Variants in ARL2BP observed in about 807,000 individuals in gnomAD.
ARL2BP encodes ARF like GTPase 2 binding protein.
Under a neutral mutation model 24.2 loss-of-function variants are expected in ARL2BP, and 19 were observed. The ratio of observed to expected loss-of-function variants is 0.79; its 90% CI spans 0.55 to 1.15. The LOEUF (loss-of-function observed/expected upper bound fraction) is 1.15, where lower values mean the gene tolerates loss of function less well. Among genes scored for constraint, ARL2BP ranks in the 50% most tolerant of loss-of-function variants. ARL2BP has a pLI of 0.00. For synonymous variants in ARL2BP, 56 were observed against 70.5 expected, an observed-to-expected ratio of 0.79 and a Z score of 1.03; for missense variants, 160 against 190.4, an observed-to-expected ratio of 0.84 and a Z score of 0.94.
chr16:57,249,093 G>C (rs1367546530), intron 3 of ARL2BP: 1 of 152,584 alleles, frequency 6.6e-6, no homozygotes, highest in African/African-American at 2.4e-5. Context: ...TTCATACCTT[G>C]CATTTGCATG....
intron 5 of ARL2BP, 147 bp downstream of exon 5, chr16:57,250,654 G>A (rs1443817653): frequency 3.0e-6 from 2 of 659,392 alleles, no homozygotes; most frequent in Admixed American, 2.4e-5. Flanking sequence ...CTGCTATTCT[G>A]TTGTGGCTGG....
chr16:57,247,663 G>A (rs2075394423), intron 2 of ARL2BP, among the ~76,000 whole-genome samples: 1 of 152,092 alleles, frequency 6.6e-6, no homozygotes, highest in Admixed American at 6.5e-5. Context: ...CCAGATAAAT[G>A]TGTTTATATG....
intron 5 of ARL2BP, 66 bp downstream of exon 5, chr16:57,250,573 G>A (rs77995854): frequency 3.9e-5 from 51 of 1,303,238 alleles, no homozygotes; most frequent in South Asian, 2.5e-4. Context: ...TAGAAATACC[G>A]AACATGAACC....
At chr16:57,247,123 A>T (rs2075392759) in intron 2 of ARL2BP, among the ~76,000 whole-genome samples, 1 of 152,180 alleles carries the variant, frequency 6.6e-6, no homozygotes, top group Non-Finnish European at 1.5e-5. Flanking sequence ...TTAGAATGAA[A>T]ATTACTGACC....
At chr16:57,245,713 C>T in intron 1 of ARL2BP, 2 of 529,806 alleles carry the variant, frequency 3.8e-6, no homozygotes, top group South Asian at 4.9e-5. Context: ...CCCGAGGCCC[C>T]TCCACCCCTC....
At chr16:57,248,477 T>C (rs2075397513) in intron 2 of ARL2BP, 60 bp from the exon 3 acceptor site, 2 of 1,046,960 alleles carry the variant, frequency 1.9e-6, no homozygotes, top group Admixed American at 2.1e-5. Context: ...TGCCTACTTA[T>C]AAATCATAAT....
In ARL2BP at chr16:57,245,410, G is replaced by C. The variant is rs780990381; in HGVS notation, c.38+5G>C. ...AGAGAGCTTTGCGCTGTCTTTGTGA[G>C]TAGCTCCTCCAGGGCGCAGGCGACT... On this transcript the variant is annotated splice_donor_5th_base_variant and intron_variant, in intron 1 of 5. Coordinates refer to ENST00000219204, the MANE Select transcript of ARL2BP (RefSeq NM_012106.4). 1.2e-6 allele frequency: 2 copies of C among 1,605,654 alleles called. No individual in the cohort carries two copies. Among genetic ancestry groups the C allele is most frequent in the East Asian group, 2.2e-5 (1 of 44,570 alleles).
intron 1 of ARL2BP, 21 bp downstream of exon 1, chr16:57,245,426 G>A: frequency 1.2e-6 from 2 of 1,603,204 alleles, no homozygotes; most frequent in African/African-American, 1.3e-5. Flanking sequence ...CCTCCAGGGC[G>A]CAGGCGACTT....
intron 2 of ARL2BP, among the ~76,000 whole-genome samples, chr16:57,246,711 G>A (rs1461280576): frequency 6.6e-6 from 1 of 152,188 alleles, no homozygotes; most frequent in African/African-American, 2.4e-5. Context: ...GGCTGAGGCA[G>A]GAAAATGGCG....
chr16:57,245,302 G>C lies in ARL2BP; in HGVS notation c.-66G>C, dbSNP rs1305165942. 10 of 1,565,404 alleles carry C rather than the reference G, an allele frequency of 6.4e-6. No individual in the cohort carries two copies. The East Asian group carries it at 1.8e-4, about 29-fold the overall frequency. On this transcript the variant is annotated 5_prime_UTR_variant, in exon 1 of 6. Transcript: ENST00000219204. ...TTGGCTGAGAGGCCTTAACCCCGCC[G>C]GGCGGCCGCGCCCTGCATGCGAGTT...
chr16:57,246,521 G>A (rs2075390886), intron 2 of ARL2BP: 1 of 168,508 alleles, frequency 5.9e-6, no homozygotes, highest in African/African-American at 2.4e-5. Context: ...CATAAAACCA[G>A]GCCAGGTGCG....
rs2075414823 is a variant in ARL2BP, at chr16:57,253,442, C to A, written c.*1175C>A. The A allele has an allele frequency of 6.6e-6, 1 of 151,656 alleles. No homozygotes were observed. The highest frequency in any genetic ancestry group is 1.5e-5 in the Non-Finnish European group (1 of 67,948). 9.4% of individuals were successfully genotyped at this position (151,656 alleles called of 1,614,324 possible). On this transcript the variant is annotated 3_prime_UTR_variant, in exon 6 of 6. Coordinates refer to ENST00000219204, the MANE Select transcript of ARL2BP (RefSeq NM_012106.4). ...AGAACGAAGAAAAAGCATAGTAGTT[C>A]AATTCCCAGTGTGTCCCTTTGATTT...
At position 57,252,309 on chromosome 16, in the gene ARL2BP, C is replaced by G. The variant is rs201722956; in HGVS notation, c.*42C>G. 1.6e-4 allele frequency: 263 copies of G among 1,614,074 alleles called. No individual in the cohort carries two copies. The highest frequency in any genetic ancestry group is 1.5e-4 in the Non-Finnish European group (177 of 1,180,004). Reference sequence around the variant, plus strand: ...ATGAATGGGATCATTCTGGATGTCACCAGCCCAATAGGCTCAGCTCATGAT... The same window carrying G: ...ATGAATGGGATCATTCTGGATGTCAGCAGCCCAATAGGCTCAGCTCATGAT... On this transcript the variant is annotated 3_prime_UTR_variant, in exon 6 of 6. Transcript: ENST00000219204.
chr16:57,248,311 CAAAA>C (rs1161528446), intron 2 of ARL2BP: 156 of 49,212 alleles, frequency 3.2e-3, no homozygotes, highest in Middle Eastern at 0.025. Flanking sequence ...AACTCCAGCT[CAAAA>C]AAAAAAAAAA....
chr16:57,248,311 CA>C (rs1161528446), intron 2 of ARL2BP: 1,046 of 49,202 alleles, frequency 0.021, no homozygotes, highest in Middle Eastern at 0.057. Flanking sequence ...AACTCCAGCT[CA>C]AAAAAAAAAA....
Position 57,252,512 on chromosome 16 carries a change from CT to C in ARL2BP, c.*247del. On this transcript the variant is annotated 3_prime_UTR_variant, in exon 6 of 6. Transcript: ENST00000219204. ...CTCAAGTAGACACCTCTCTCAGGAG[CT>C]TCTGAGTCAGACGCCTCTGGAGCGA... The C allele has an allele frequency of 1.6e-6, 1 of 628,550 alleles. No individual in the cohort carries two copies. Among genetic ancestry groups the C allele is most frequent in the East Asian group, 3.4e-5 (1 of 29,340 alleles). 38.9% of individuals were successfully genotyped at this position (628,550 alleles called of 1,614,324 possible). A position where few individuals can be genotyped will look rare whatever the true frequency, so the allele number is the denominator to read the frequency against.
intron 4 of ARL2BP, 85 bp from the exon 5 acceptor site, chr16:57,250,326 C>A: frequency 8.4e-7 from 1 of 1,194,608 alleles, no homozygotes; most frequent in Non-Finnish European, 1.2e-6. Context: ...GGGGGTGGGG[C>A]TGGGGTGGTG....
rs398123053 is a variant in ARL2BP at position 57,248,570 on chromosome 16, T to C, written c.134T>C (p.Met45Thr). 6.2e-7 allele frequency: 1 copy of C among 1,604,376 alleles called. No individual in the cohort carries two copies. Among genetic ancestry groups the C allele is most frequent in the African/African-American group, 1.3e-5 (1 of 74,514 alleles). The change falls in exon 3 of 6, where the codon ATG (methionine) becomes ACG (threonine). Residue 45 changes from methionine (M) to threonine (T), a missense_variant. Met to Thr is a moderately conservative substitution (Grantham distance 81). Coordinates refer to ENST00000219204, the MANE Select transcript of ARL2BP (RefSeq NM_012106.4). ...TTCCAGTTATTACAGAGAAATTTCA[T>C]GGACAAGTACTACCTGGAGTTTGAA... ...DEFQLLQRNF[M>T]DKYYLEFEDT...
At position 57,253,356 on chromosome 16, in the gene ARL2BP, A is replaced by G. The variant is rs2146433510; in HGVS notation, c.*1089A>G. 6.6e-6 allele frequency: 1 copy of G among 152,336 alleles called. No individual in the cohort carries two copies. Among genetic ancestry groups the G allele is most frequent in the African/African-American group, 2.4e-5 (1 of 41,584 alleles). 9.4% of individuals were successfully genotyped at this position (152,336 alleles called of 1,614,324 possible). A position where few individuals can be genotyped will look rare whatever the true frequency, so the allele number is the denominator to read the frequency against. The stretch of plus-strand genomic sequence containing the variant: ...GAGCACAGCTTTACTGGCTGTTTGT[A>G]TGCTTTGGTTTAGTGCAATGTGTGG... On this transcript the variant is annotated 3_prime_UTR_variant, in exon 6 of 6. Coordinates refer to ENST00000219204, the MANE Select transcript of ARL2BP (RefSeq NM_012106.4).
Sources: allele counts gnomAD v4.1 joint callset (sites outside exome capture counted in the v4.1 genomes callset), GRCh38; gene constraint gnomAD v4.1.1; transcripts MANE v1.5; gene names NCBI Gene and HGNC (gene_info 2026-07-23, HGNC 2026-07-21).